The following AAK1 variants were observed in gnomAD, a reference collection of about 807,000 sequenced individuals.
AAK1 encodes the protein AP2 associated kinase 1.
In AAK1, 37 loss-of-function variants were observed where a neutral mutation model predicts 116.0. That is an observed-to-expected ratio of 0.32 (90% CI 0.25 to 0.42). The LOEUF (loss-of-function observed/expected upper bound fraction) is 0.42. Ranked by LOEUF, AAK1 falls within the 10% of genes least tolerant of loss-of-function variation. The probability of loss-of-function intolerance (pLI) is 1.00; values close to 1 mark genes in which losing one functional copy is unlikely to be tolerated. For synonymous variants in AAK1, 458 were observed against 439.9 expected (o/e 1.04, Z -0.51); for missense variants, 919 against 1,170.6 (o/e 0.79, Z 3.14).
chr2:69,574,418 A>AGATT (rs1265319760), intron 2 of AAK1, among the ~76,000 whole-genome samples: 2 of 146,646 alleles, frequency 1.4e-5, no homozygotes, highest in Non-Finnish European at 3.0e-5. Context: ...AAAGAGAGAG[A>AGATT]GATTGGGGCT....
At chr2:69,640,053 A>ACTCTCTCT (rs1177010194) in intron 2 of AAK1, among the ~76,000 whole-genome samples, 2 of 92,742 alleles carry the variant, frequency 2.2e-5, no homozygotes, top group African/African-American at 4.9e-5. Flanking sequence ...ACACACACAC[A>ACTCTCTCT]CTCTCTCTCT....
At chr2:69,484,853 T>G (rs1675228524) in intron 17 of AAK1, among the ~76,000 whole-genome samples, 1 of 147,880 alleles carries the variant, frequency 6.8e-6, no homozygotes, top group African/African-American at 2.5e-5. Flanking sequence ...CCAGCCTGGG[T>G]GACAGAGTGA....
At chr2:69,571,494 T>C (rs550826003) in intron 2 of AAK1, among the ~76,000 whole-genome samples, 11 of 152,350 alleles carry the variant, frequency 7.2e-5, no homozygotes, top group African/African-American at 2.4e-4. Context: ...TTTTACTTAA[T>C]CTAATCTGAA....
At chr2:69,487,969 T>G (rs1395024013) in intron 17 of AAK1, among the ~76,000 whole-genome samples, 1 of 152,050 alleles carries the variant, frequency 6.6e-6, no homozygotes, top group Non-Finnish European at 1.5e-5. Context: ...TTTGTTATTT[T>G]TATTAGAAAT....
In AAK1 at chr2:69,473,997, T is replaced by C. The variant is rs567195881; in HGVS notation, c.*1872A>G. On this transcript the variant is annotated 3_prime_UTR_variant, in exon 22 of 22. Coordinates refer to ENST00000409085, the MANE Select transcript of AAK1 (RefSeq NM_014911.5). Reference sequence around the variant, plus strand: ...CTCTCTCAGTTTTGGAAATGGTCTGTTATTCAACTAGAGGCCTTTACCTAG... The same window carrying C: ...CTCTCTCAGTTTTGGAAATGGTCTGCTATTCAACTAGAGGCCTTTACCTAG... 1 of 985,858 alleles carries C rather than the reference T, an allele frequency of 1.0e-6. No individual in the cohort carries two copies. 61.1% of individuals were successfully genotyped at this position (985,858 alleles called of 1,614,324 possible). A position where few individuals can be genotyped will look rare whatever the true frequency, so the allele number is the denominator to read the frequency against.
intron 2 of AAK1, among the ~76,000 whole-genome samples, chr2:69,616,994 C>T (rs1007915602): frequency 6.6e-6 from 1 of 152,100 alleles, no homozygotes; most frequent in Non-Finnish European, 1.5e-5. Flanking sequence ...ATCCAGGGGC[C>T]CTCATCCTAT....
chr2:69,515,454 T>C (rs1437975999), intron 12 of AAK1, among the ~76,000 whole-genome samples: 1 of 152,014 alleles, frequency 6.6e-6, no homozygotes, highest in Non-Finnish European at 1.5e-5. Flanking sequence ...GCCTCCTAAG[T>C]ACCTGGTATC....
At position 69,643,637 on chromosome 2, in the gene AAK1, C is replaced by G. The variant is rs1675859349; in HGVS notation, c.-297G>C. On this transcript the variant is annotated 5_prime_UTR_variant, in exon 1 of 22. Transcript: ENST00000409085. ...CCGCGACATTGTCACGGCCGCCGGGCCGGCCTGCGACGCAGAGAAGAGGCG... is the reference window on the plus strand; with the variant it reads ...CCGCGACATTGTCACGGCCGCCGGGGCGGCCTGCGACGCAGAGAAGAGGCG... 8.1e-7 allele frequency: 1 copy of G among 1,227,872 alleles called. No homozygotes were observed. The highest frequency in any genetic ancestry group is 1.6e-5 in the African/African-American group (1 of 64,200). 76.1% of individuals were successfully genotyped at this position (1,227,872 alleles called of 1,614,324 possible). A position where few individuals can be genotyped will look rare whatever the true frequency, so the allele number is the denominator to read the frequency against.
intron 2 of AAK1, among the ~76,000 whole-genome samples, chr2:69,638,931 C>T (rs1264507522): frequency 6.6e-6 from 1 of 152,174 alleles, no homozygotes; most frequent in East Asian, 1.9e-4. Context: ...TCTCTGGAAC[C>T]TAATACAGTG....
chr2:69,608,136 T>G (rs1318794711), intron 2 of AAK1, among the ~76,000 whole-genome samples: 1 of 152,114 alleles, frequency 6.6e-6, no homozygotes, highest in Non-Finnish European at 1.5e-5. Context: ...TGGCAATAAA[T>G]GCAGGCAGCA....
At position 69,474,835 on chromosome 2, in the gene AAK1, T is replaced by C. The variant is rs1369721000; in HGVS notation, c.*1034A>G. ...CAAAACCCTGTACAGACACCTGATA[T>C]CAGACTTGAAATGCCAAGTGGAAAC... On this transcript the variant is annotated 3_prime_UTR_variant, in exon 22 of 22. Transcript: ENST00000409085. The C allele has an allele frequency of 2.0e-5, 20 of 985,732 alleles. No homozygotes were observed. Among genetic ancestry groups the C allele is most frequent in the Non-Finnish European group, 2.3e-5 (19 of 829,932 alleles). 61.1% of individuals were successfully genotyped at this position (985,732 alleles called of 1,614,324 possible).
chr2:69,592,302 A>G (rs997554088), intron 2 of AAK1, among the ~76,000 whole-genome samples: 5 of 152,168 alleles, frequency 3.3e-5, no homozygotes, highest in Non-Finnish European at 7.4e-5. Flanking sequence ...TTTTGGCCCA[A>G]AGAGGGCAAC....
chr2:69,547,504 G>C (rs2105063407), intron 3 of AAK1, among the ~76,000 whole-genome samples: 1 of 152,174 alleles, frequency 6.6e-6, no homozygotes, highest in African/African-American at 2.4e-5. Context: ...GAAAGTATAT[G>C]AAAAGATGAT....
chr2:69,598,330 C>T (rs1278760899), intron 2 of AAK1: 1 of 344,872 alleles, frequency 2.9e-6, no homozygotes, highest in Non-Finnish European at 5.5e-6. Flanking sequence ...CCAGAAGTAT[C>T]CTTTCATGGT....
chr2:69,507,225 T>C (rs1676220752), intron 15 of AAK1, among the ~76,000 whole-genome samples, 196 bp downstream of exon 15: 1 of 152,200 alleles, frequency 6.6e-6, no homozygotes, highest in African/African-American at 2.4e-5. Context: ...TTCCTGAAGA[T>C]GAGGACTTCA....
At chr2:69,585,814 T>C (rs781500076) in intron 2 of AAK1, among the ~76,000 whole-genome samples, 4 of 152,330 alleles carry the variant, frequency 2.6e-5, no homozygotes, top group Non-Finnish European at 4.4e-5. Flanking sequence ...CTTGTTTACA[T>C]AAACTTGAGA....
chr2:69,509,854 C>T (rs1375009890), intron 13 of AAK1, among the ~76,000 whole-genome samples: 1 of 152,112 alleles, frequency 6.6e-6, no homozygotes, highest in Non-Finnish European at 1.5e-5. Flanking sequence ...AGAATGCTTT[C>T]AAAGGGCAAG....
chr2:69,507,702 A>G (rs1572905787), intron 14 of AAK1, 124 bp from the exon 15 acceptor site: 1 of 918,520 alleles, frequency 1.1e-6, no homozygotes, highest in South Asian at 2.3e-5. Flanking sequence ...ATTTTCCACC[A>G]CAGTATTTTT....
At chr2:69,495,863 C>G in intron 17 of AAK1, 122 bp downstream of exon 17, 1 of 734,406 alleles carries the variant, frequency 1.4e-6, no homozygotes, top group Non-Finnish European at 2.2e-6. Context: ...TATACAACAG[C>G]AGCCTATTAT....
Sources: allele counts gnomAD v4.1 joint callset (sites outside exome capture counted in the v4.1 genomes callset), GRCh38; gene constraint gnomAD v4.1.1; transcripts MANE v1.5; gene names NCBI Gene and HGNC (gene_info 2026-07-23, HGNC 2026-07-21).